ATRX: variants seen among roughly 807,000 people sequenced by gnomAD.
The protein encoded by ATRX is ATRX chromatin remodeler.
Under a neutral mutation model 172.6 loss-of-function variants are expected in ATRX, and 12 were observed. The ratio of observed to expected loss-of-function variants is 0.07; its 90% CI spans 0.04 to 0.11. ATRX has a LOEUF of 0.11. ATRX is among the 10% of genes least tolerant of loss of function. ATRX has a pLI of 1.00. For synonymous variants in ATRX, 674 were observed against 594.7 expected, an observed-to-expected ratio of 1.13 and a Z score of -1.94; for missense variants, 1,368 against 1,767.4, an observed-to-expected ratio of 0.77 and a Z score of 4.05.
chrX:77,549,999 TA>T (rs1392559822), intron 30 of ATRX, among the ~76,000 whole-genome samples: 1 of 111,347 alleles, frequency 9.0e-6, no homozygotes, highest in Non-Finnish European at 1.9e-5. Flanking sequence ...TAAAATAAAA[TA>T]AAAATAATAA....
chrX:77,687,661 A>T (rs1485957461), intron 7 of ATRX, among the ~76,000 whole-genome samples: 1 of 112,152 alleles, frequency 8.9e-6, no homozygotes, highest in Non-Finnish European at 1.9e-5. Context: ...TCACAATTTA[A>T]AATGAAACTC....
At chrX:77,674,222 T>A (rs2070758804) in intron 10 of ATRX, 1 of 111,614 alleles carries the variant, frequency 9.0e-6, no homozygotes, top group Admixed American at 9.6e-5. Context: ...TTTTTTAAGT[T>A]GCTTAGTGCA....
intron 22 of ATRX, among the ~76,000 whole-genome samples, chrX:77,603,887 C>T (rs2066786021): frequency 9.0e-6 from 1 of 111,646 alleles, no homozygotes; most frequent in Non-Finnish European, 1.9e-5. Flanking sequence ...GGGGAAAGGA[C>T]ACTCTTTTCA....
chrX:77,744,994 T>TCAACAA (rs782050035), intron 1 of ATRX, among the ~76,000 whole-genome samples: 3 of 106,234 alleles, frequency 2.8e-5, no homozygotes, highest in East Asian at 2.9e-4. Context: ...AGACTCTGCC[T>TCAACAA]CAACAACAAC....
Position 77,557,588 on chromosome X carries a change from G to A in ATRX, c.6562C>T (p.Arg2188Ter), listed in dbSNP as rs2147941920. ...TCCACCTGCTGCTGATCAACAACTC[G>A]AAAAGACAGTGACTGCTTAGTTACT... Reference protein sequence around the residue: ...RQVTKQSLSFRVVDQQQVERH... With the variant: ...RQVTKQSLSF The change falls in exon 30 of 35, where the codon CGA becomes TGA. Residue 2188 changes from arginine (R) to a stop codon, truncating the protein, a stop_gained. Coordinates refer to ENST00000373344, the MANE Select transcript of ATRX (RefSeq NM_000489.6). LOFTEE classifies it high-confidence loss of function. 8.3e-7 allele frequency: 1 copy of A among 1,208,273 alleles called. No homozygotes were observed. The highest frequency in any genetic ancestry group is 1.1e-6 in the Non-Finnish European group (1 of 894,078).
At chrX:77,708,261 G>A (rs2072935569) in intron 2 of ATRX, among the ~76,000 whole-genome samples, 1 of 112,530 alleles carries the variant, frequency 8.9e-6, no homozygotes, top group Non-Finnish European at 1.9e-5. Flanking sequence ...AAAAGGAATG[G>A]AGTACTAAGA....
intron 30 of ATRX, among the ~76,000 whole-genome samples, chrX:77,545,387 A>G (rs1044859092): frequency 5.4e-5 from 6 of 112,035 alleles, no homozygotes; most frequent in African/African-American, 1.9e-4. Context: ...ACACACACAC[A>G]GACATCCCTG....
intron 30 of ATRX, among the ~76,000 whole-genome samples, chrX:77,547,018 G>A (rs868977163): frequency 4.3e-4 from 48 of 111,569 alleles, no homozygotes; most frequent in African/African-American, 1.5e-3. Flanking sequence ...TATAGTTCTT[G>A]CCTTCCTAGG....
rs1200387967 is a variant in ATRX, at chrX:77,673,420, G to A, written c.3809+2806C>T. On this transcript the variant is annotated intron_variant, in intron 10 of 34. Coordinates refer to ENST00000373344, the MANE Select transcript of ATRX (RefSeq NM_000489.6). ...TTCTGCCATTGAGAAACTACATAAA[G>A]CCTAAGCTCTAAATTTTCAGTTATA... 2.7e-5 allele frequency among the ~76,000 whole-genome samples: 3 copies of A among 110,879 alleles called. No individual in the cohort carries two copies. The Admixed American group carries it at 2.9e-4, about 11-fold the overall frequency.
intron 30 of ATRX, among the ~76,000 whole-genome samples, chrX:77,551,755 C>T (rs1057206112): frequency 1.8e-5 from 2 of 110,273 alleles, no homozygotes; most frequent in African/African-American, 6.5e-5. Flanking sequence ...CTACAATGAA[C>T]TCAAACATAT....
intron 28 of ATRX, among the ~76,000 whole-genome samples, chrX:77,572,449 G>A (rs2065451109): frequency 9.0e-6 from 1 of 111,496 alleles, no homozygotes. Context: ...ACCAGTATAT[G>A]CCTGAAGCAT....
At chrX:77,520,055 T>C (rs1226547408) in intron 34 of ATRX, among the ~76,000 whole-genome samples, 9 of 111,963 alleles carry the variant, frequency 8.0e-5, no homozygotes, top group Non-Finnish European at 7.5e-5. Context: ...AAGCCAGGCA[T>C]AGAAAGACAA....
At chrX:77,549,643 T>G (rs1301792939) in intron 30 of ATRX, among the ~76,000 whole-genome samples, 1 of 112,548 alleles carries the variant, frequency 8.9e-6, no homozygotes, top group Non-Finnish European at 1.9e-5. Flanking sequence ...TAGATCATGC[T>G]ACAGTTTCAA....
chrX:77,706,626 G>A (rs1300848603), intron 2 of ATRX, among the ~76,000 whole-genome samples: 2 of 111,418 alleles, frequency 1.8e-5, no homozygotes, highest in Non-Finnish European at 3.8e-5. Flanking sequence ...CAACCCAACT[G>A]GGTGCAGTGT....
intron 2 of ATRX, among the ~76,000 whole-genome samples, chrX:77,711,198 C>T (rs906230386): frequency 1.8e-5 from 2 of 111,705 alleles, no homozygotes; most frequent in Non-Finnish European, 3.8e-5. Flanking sequence ...GGAACTTCCT[C>T]AACTTGATAA....
In ATRX at chrX:77,716,323, A is replaced by AAAT. The variant is rs1557165064; in HGVS notation, c.133+807_133+808insATT. On this transcript the variant is annotated intron_variant, in intron 2 of 34. Coordinates refer to ENST00000373344, the MANE Select transcript of ATRX (RefSeq NM_000489.6). ...CTTTAAAAAAAAAAAAAAAAAAAAA[A>AAAT]ATATATATATATATATATATATATA... Among the ~76,000 whole-genome samples the AAAT allele has an allele frequency of 3.5e-3, 73 of 21,018 alleles. 1 individual carries two copies. The highest frequency in any genetic ancestry group is 9.8e-3 in the African/African-American group (59 of 6,006). The allele number at this position is 21,018 out of a possible 115,157, so 18.3% of individuals were successfully genotyped here.
At chrX:77,628,491 A>AT (rs782126428) in intron 19 of ATRX, among the ~76,000 whole-genome samples, 21 of 112,651 alleles carry the variant, frequency 1.9e-4, no homozygotes, top group African/African-American at 6.8e-4. Context: ...CTATTGGTGA[A>AT]TTTTTTTACA....
intron 1 of ATRX, among the ~76,000 whole-genome samples, chrX:77,765,237 AC>A (rs1302801433): frequency 2.7e-5 from 3 of 111,327 alleles, no homozygotes; most frequent in African/African-American, 9.8e-5. Flanking sequence ...CTCTTAGAAA[AC>A]CCCCTTAGCC....
chrX:77,633,719 G>C lies in ATRX; in HGVS notation c.4810-7C>G, dbSNP rs2148344472. The C allele has an allele frequency of 8.3e-7, 1 of 1,203,255 alleles. No homozygotes were observed. The highest frequency in any genetic ancestry group is 1.1e-6 in the Non-Finnish European group (1 of 889,339). On this transcript the variant is annotated splice_region_variant and splice_polypyrimidine_tract_variant and intron_variant, in intron 17 of 34. Transcript: ENST00000373344. The stretch of plus-strand genomic sequence containing the variant: ...TATGAAGAAAACTTACCACCTATAA[G>C]AAAACAGATTGTCACCTTCGTTTAA...
Sources: gnomAD v4.1 joint callset for allele counts (sites outside exome capture counted in the v4.1 genomes callset) on GRCh38, gnomAD v4.1.1 for gene constraint, MANE v1.5 for transcripts, NCBI Gene and HGNC (gene_info 2026-07-23, HGNC 2026-07-21) for gene names.